Variants in CELF4 observed in about 807,000 individuals in gnomAD.
The protein encoded by CELF4 is CUG-BP- and ETR-3-like factor 4.
A neutral mutation model predicts 59.9 loss-of-function variants in CELF4; 18 were observed. The observed-to-expected ratio is 0.30, with a 90% CI of 0.21 to 0.45. The LOEUF is 0.45. Ranked by LOEUF, CELF4 falls within the 20% of genes least tolerant of loss-of-function variation. The pLI is 1.00. For synonymous variants in CELF4, 261 were observed against 267.1 expected (o/e 0.98, Z 0.22); for missense variants, 456 against 689.0 (o/e 0.66, Z 3.79).
chr18:37,515,139 ATC>A (rs1333558279), intron 1 of CELF4, among the ~76,000 whole-genome samples: 1 of 152,178 alleles, frequency 6.6e-6, no homozygotes, highest in Non-Finnish European at 1.5e-5. Context: ...AGAGCCAATT[ATC>A]TCTCTTTGTC....
intron 2 of CELF4, among the ~76,000 whole-genome samples, chr18:37,346,419 C>T (rs552218507): frequency 1.2e-4 from 18 of 152,268 alleles, no homozygotes; most frequent in African/African-American, 3.9e-4. Context: ...GGCAGGTTTG[C>T]CAGTTGCAGA....
At chr18:37,285,320 C>T (rs1264543701) in intron 3 of CELF4, among the ~76,000 whole-genome samples, 1 of 152,152 alleles carries the variant, frequency 6.6e-6, no homozygotes, top group Non-Finnish European at 1.5e-5. Flanking sequence ...CTGAAAATGT[C>T]CTCTCTCGTC....
intron 1 of CELF4, among the ~76,000 whole-genome samples, chr18:37,550,678 C>G (rs2099982907): frequency 6.6e-6 from 1 of 152,250 alleles, no homozygotes; most frequent in African/African-American, 2.4e-5. Context: ...GGGTCCCTCT[C>G]TGCTGCAGCA....
At chr18:37,272,981 C>T (rs201547023) in intron 7 of CELF4, 35 bp downstream of exon 7, 83 of 1,582,562 alleles carry the variant, frequency 5.2e-5, no homozygotes, top group Admixed American at 2.0e-4. Context: ...GTTCTCCCAC[C>T]GGGCCAGACC....
intron 3 of CELF4, among the ~76,000 whole-genome samples, chr18:37,286,828 G>A (rs2094833003): frequency 6.6e-6 from 1 of 151,984 alleles, no homozygotes; most frequent in Admixed American, 6.5e-5. Flanking sequence ...GTCTTCAGAG[G>A]CCACCTGGCC....
At chr18:37,476,384 G>A (rs2099849067) in intron 2 of CELF4, among the ~76,000 whole-genome samples, 1 of 152,246 alleles carries the variant, frequency 6.6e-6, no homozygotes, top group Non-Finnish European at 1.5e-5. Context: ...CCCACATGGC[G>A]CCCCCTGGTG....
At position 37,266,589 on chromosome 18, in the gene CELF4, G is replaced by A; in HGVS notation, c.1109C>T (p.Pro370Leu). The A allele has an allele frequency of 6.3e-7, 1 of 1,590,728 alleles. No homozygotes were observed. The highest frequency in any genetic ancestry group is 8.5e-7 in the Non-Finnish European group (1 of 1,170,064). ...CTGCTGCAGGGGGTCCGCGGCGGTG[G>A]GGCTCTGTGCTGTAGGGAGCCAAGG... ...NGIHPYPAQS[P>L]TAADPLQQAY... Residue 370 changes from proline (P) to leucine (L), a missense_variant, in exon 9 of 13, where the codon CCC (proline) becomes CTC (leucine). Around this residue, in one of 7 missense-constraint regions of CELF4, gnomAD observed 256 missense variants for 340.8 expected, o/e 0.75. Coordinates refer to ENST00000420428, the MANE Select transcript of CELF4 (RefSeq NM_020180.4).
intron 11 of CELF4, among the ~76,000 whole-genome samples, chr18:37,256,513 C>A (rs1019035836): frequency 5.9e-5 from 9 of 152,206 alleles, no homozygotes; most frequent in Non-Finnish European, 1.3e-4. Flanking sequence ...GAGATTGAGG[C>A]TCACAGGGTT....
At chr18:37,328,583 C>T (rs2097417132) in intron 2 of CELF4, among the ~76,000 whole-genome samples, 1 of 152,224 alleles carries the variant, frequency 6.6e-6, no homozygotes, top group Non-Finnish European at 1.5e-5. Flanking sequence ...TTGCAGCCTT[C>T]ACCAGGAAGG....
intron 1 of CELF4, among the ~76,000 whole-genome samples, chr18:37,533,403 A>C (rs1021120848): frequency 2.0e-5 from 3 of 151,894 alleles, no homozygotes; most frequent in Admixed American, 2.0e-4. Context: ...TGGCCCCTCA[A>C]CCTCCCCAGC....
chr18:37,358,889 G>A (rs1319868833), intron 2 of CELF4, among the ~76,000 whole-genome samples: 3 of 152,130 alleles, frequency 2.0e-5, no homozygotes, highest in Admixed American at 6.5e-5. Context: ...GGATCATGAG[G>A]TCAGGAGTTC....
chr18:37,364,591 G>A (rs2098752120), intron 2 of CELF4, among the ~76,000 whole-genome samples: 1 of 152,158 alleles, frequency 6.6e-6, no homozygotes. Flanking sequence ...ATCTCCCTGG[G>A]GACCCCGAAC....
At chr18:37,373,948 C>T (rs1012252408) in intron 2 of CELF4, among the ~76,000 whole-genome samples, 12 of 152,204 alleles carry the variant, frequency 7.9e-5, no homozygotes, top group African/African-American at 2.7e-4. Flanking sequence ...GTGCTTTAAT[C>T]GAATAATGAT....
At chr18:37,353,289 G>T (rs1308455150) in intron 2 of CELF4, among the ~76,000 whole-genome samples, 2 of 150,696 alleles carry the variant, frequency 1.3e-5, no homozygotes, top group African/African-American at 4.9e-5. Flanking sequence ...GGGACCAGGG[G>T]TAAGCTCAAC....
intron 1 of CELF4, 34 bp from the exon 2 acceptor site, chr18:37,485,641 TG>T: frequency 1.5e-6 from 2 of 1,346,936 alleles, no homozygotes; most frequent in Non-Finnish European, 9.7e-7. Context: ...GAAGGGTCAG[TG>T]GGGCGCCCCC....
intron 2 of CELF4, among the ~76,000 whole-genome samples, chr18:37,432,392 C>T (rs1288143126): frequency 6.6e-6 from 1 of 152,162 alleles, no homozygotes; most frequent in Non-Finnish European, 1.5e-5. Context: ...GACATTTGTT[C>T]TACTGATTTA....
intron 2 of CELF4, among the ~76,000 whole-genome samples, chr18:37,380,332 A>C (rs1036598030): frequency 1.3e-5 from 2 of 152,126 alleles, no homozygotes; most frequent in African/African-American, 4.8e-5. Context: ...CCTATGCCTC[A>C]GGTTGAAGGT....
At chr18:37,545,540 G>A (rs1322586591) in intron 1 of CELF4, among the ~76,000 whole-genome samples, 1 of 152,200 alleles carries the variant, frequency 6.6e-6, no homozygotes, top group African/African-American at 2.4e-5. Context: ...AGGCCCAGGA[G>A]AGCAGAGATG....
chr18:37,480,767 T>C (rs2099864488), intron 2 of CELF4, among the ~76,000 whole-genome samples: 1 of 150,026 alleles, frequency 6.7e-6, no homozygotes, highest in African/African-American at 2.5e-5. Context: ...GTCTGAAGGA[T>C]AAAAGAAGAA....
Sources: gnomAD v4.1 joint callset for allele counts (sites outside exome capture counted in the v4.1 genomes callset) on GRCh38, gnomAD v4.1.1 for gene constraint, gnomAD v4.1.1 regional missense constraint, MANE v1.5 for transcripts, NCBI Gene and HGNC (gene_info 2026-07-23, HGNC 2026-07-21) for gene names.